MYO1E: variants seen among roughly 807,000 people sequenced by gnomAD.
MYO1E encodes the protein unconventional myosin-Ie.
MYO1E carries 68 observed loss-of-function variants against 151.1 expected under a neutral mutation model. The ratio of observed to expected loss-of-function variants is 0.45; its 90% confidence interval spans 0.37 to 0.55. The LOEUF is 0.55. MYO1E is among the 20% of genes least tolerant of loss of function. MYO1E has a pLI of 0.00. For synonymous variants in MYO1E, 601 were observed against 501.7 expected, an observed-to-expected ratio of 1.20 and a Z score of -2.64; for missense variants, 1,363 against 1,389.3, an observed-to-expected ratio of 0.98 and a Z score of 0.30.
In MYO1E at chr15:59,159,908, G is replaced by A. The variant is rs185989464; in HGVS notation, c.2785+1165C>T. On this transcript the variant is annotated intron_variant, in intron 24 of 27. Coordinates refer to ENST00000288235, the MANE Select transcript of MYO1E (RefSeq NM_004998.4). This position sits in a 1 kb window ranked among gnomAD's most constrained non-coding sequence, Gnocchi z 4.4. ...TGCCCAGGCTGGTGTGCAATGGCGC[G>A]ATCTCAGCTCACTGCAACCTCCACC... Among the ~76,000 whole-genome samples, 16 of 152,212 alleles carry A rather than the reference G, an allele frequency of 1.1e-4. No individual in the cohort carries two copies. The highest frequency in any genetic ancestry group is 5.9e-4 in the Admixed American group (9 of 15,288).
At position 59,225,531 on chromosome 15, in the gene MYO1E, A is replaced by G. The variant is rs552434957; in HGVS notation, c.643-708T>C. On this transcript the variant is annotated intron_variant, in intron 7 of 27. Coordinates refer to ENST00000288235, the MANE Select transcript of MYO1E (RefSeq NM_004998.4). ...CAACTACTTCCCTGCTGGCTCTTCA[A>G]TGCCTCCCGATCCTACATATCTAGA... is the stretch of plus-strand genomic sequence containing the variant. Among the ~76,000 whole-genome samples, 16 of 152,028 alleles carry G rather than the reference A, an allele frequency of 1.1e-4. No homozygotes were observed. In the East Asian group the frequency reaches 1.9e-3, roughly 18 times the overall value.
intron 4 of MYO1E, 136 bp downstream of exon 4, chr15:59,256,148 C>T (rs1019406526): frequency 1.5e-6 from 1 of 676,122 alleles, no homozygotes. Context: ...AAGCAGCTAA[C>T]CTGCTTGCTA....
At chr15:59,141,681 C>T (rs1436891318) in intron 26 of MYO1E, among the ~76,000 whole-genome samples, 1 of 151,764 alleles carries the variant, frequency 6.6e-6, no homozygotes, top group East Asian at 1.9e-4. Context: ...GCCTATAGTC[C>T]CAGCTACTTG....
At position 59,333,906 on chromosome 15, in the gene MYO1E, A is replaced by T. The variant is rs183359448; in HGVS notation, c.3+38592T>A. On this transcript the variant is annotated intron_variant, in intron 1 of 27. Transcript: ENST00000288235. The stretch of plus-strand genomic sequence containing the variant: ...TCTGAAACCCCCTGGAAATATGCCC[A>T]GGTAATAGGGAAGCACATGAAAGGT... Among the ~76,000 whole-genome samples the T allele has an allele frequency of 2.6e-5, 4 of 152,330 alleles. No homozygotes were observed. In the East Asian group the frequency reaches 7.7e-4, roughly 29 times the overall value.
chr15:59,317,218 C>A (rs2080594795), intron 1 of MYO1E, among the ~76,000 whole-genome samples: 1 of 152,224 alleles, frequency 6.6e-6, no homozygotes, highest in Non-Finnish European at 1.5e-5. Context: ...ACACACATTA[C>A]CTGCCCTCAT....
chr15:59,227,432 G>A (rs2079998722), intron 7 of MYO1E, 27 bp downstream of exon 7: 1 of 1,613,472 alleles, frequency 6.2e-7, no homozygotes, highest in Admixed American at 1.7e-5. Flanking sequence ...GACAGGAAGT[G>A]GGTAGGAAAA....
chr15:59,239,122 C>A (rs559694798), intron 4 of MYO1E, among the ~76,000 whole-genome samples: 85 of 151,604 alleles, frequency 5.6e-4, no homozygotes, highest in Non-Finnish European at 1.0e-3. Context: ...AGGAGAATCT[C>A]TTGAACCCGG....
chr15:59,329,424 C>T (rs2080685606), intron 1 of MYO1E, among the ~76,000 whole-genome samples: 1 of 152,186 alleles, frequency 6.6e-6, no homozygotes, highest in Admixed American at 6.5e-5. Flanking sequence ...TCATTAGGTA[C>T]CCAATAGCAA....
intron 4 of MYO1E, among the ~76,000 whole-genome samples, chr15:59,243,133 A>G (rs1334138056): frequency 6.8e-6 from 1 of 147,996 alleles, no homozygotes; most frequent in Non-Finnish European, 1.5e-5. Flanking sequence ...AGAGAGATAT[A>G]GTATTGAACA....
intron 1 of MYO1E, among the ~76,000 whole-genome samples, chr15:59,366,544 A>G (rs1299001153): frequency 3.9e-5 from 6 of 152,164 alleles, no homozygotes; most frequent in African/African-American, 1.4e-4. Flanking sequence ...ACCATTCAAA[A>G]GTGCTTTGAA....
intron 10 of MYO1E, among the ~76,000 whole-genome samples, chr15:59,216,927 C>G (rs867324671): frequency 6.6e-6 from 1 of 151,412 alleles, no homozygotes; most frequent in South Asian, 2.1e-4. Context: ...GCTTCTTGCT[C>G]ATTCTCTCTT....
In MYO1E at chr15:59,134,015, G is replaced by A. The variant is rs540827487; in HGVS notation, c.*3365C>T. ...CTCATTTTTGTGAACACTTCCACCT[G>A]GCAGGAGCCCGCTGTCACTCTGGTG... On this transcript the variant is annotated 3_prime_UTR_variant, in exon 28 of 28. Transcript: ENST00000288235. 1 of 152,392 alleles carries A rather than the reference G, an allele frequency of 6.6e-6. No individual in the cohort carries two copies. The highest frequency in any genetic ancestry group is 2.1e-4 in the South Asian group (1 of 4,828). 9.4% of individuals were successfully genotyped at this position (152,392 alleles called of 1,614,324 possible).
At chr15:59,328,757 T>C (rs909840006) in intron 1 of MYO1E, among the ~76,000 whole-genome samples, 5 of 152,064 alleles carry the variant, frequency 3.3e-5, no homozygotes, top group African/African-American at 1.2e-4. Context: ...ATGCAAGGCC[T>C]ATAGAGTTAA....
chr15:59,366,296 T>TTC (rs139428236), intron 1 of MYO1E, among the ~76,000 whole-genome samples: 1 of 22,854 alleles, frequency 4.4e-5, no homozygotes, highest in African/African-American at 8.8e-5. Flanking sequence ...TTTCTTTTTT[T>TTC]TCTCTCTCTC....
intron 4 of MYO1E, among the ~76,000 whole-genome samples, chr15:59,251,083 T>G (rs1280634901): frequency 2.0e-5 from 3 of 152,232 alleles, no homozygotes; most frequent in African/African-American, 7.2e-5. Flanking sequence ...AAACTCATCC[T>G]GGACCCTCAT....
chr15:59,328,614 C>T (rs553784531), intron 1 of MYO1E, among the ~76,000 whole-genome samples: 1 of 152,248 alleles, frequency 6.6e-6, no homozygotes, highest in South Asian at 2.1e-4. Context: ...TACACAACTC[C>T]AGCTGTGCAG....
chr15:59,251,652 A>G (rs985911765), intron 4 of MYO1E, among the ~76,000 whole-genome samples: 2 of 152,254 alleles, frequency 1.3e-5, no homozygotes, highest in African/African-American at 4.8e-5. Context: ...CATGAAGTCT[A>G]TATTTACCTC....
intron 7 of MYO1E, 106 bp downstream of exon 7, chr15:59,227,353 C>T (rs1179012779): frequency 4.4e-6 from 6 of 1,362,692 alleles, no homozygotes; most frequent in East Asian, 2.4e-5. Flanking sequence ...GTATCATCAT[C>T]AGTCCTCCCT....
chr15:59,133,959 A>G lies in MYO1E; in HGVS notation c.*3421T>C, dbSNP rs1596335888. On this transcript the variant is annotated 3_prime_UTR_variant, in exon 28 of 28. Transcript: ENST00000288235. ...TCTATGGAAGCCCATGGAGTTTGTA[A>G]TTCATAAAGGCACATCCATATTTTC... 1 of 152,316 alleles carries G rather than the reference A, an allele frequency of 6.6e-6. No homozygotes were observed. The highest frequency in any genetic ancestry group is 3.4e-3 in the Middle Eastern group (1 of 294). 9.4% of individuals were successfully genotyped at this position (152,316 alleles called of 1,614,324 possible).
Sources: gnomAD v4.1 joint callset for allele counts (sites outside exome capture counted in the v4.1 genomes callset) on GRCh38, gnomAD v4.1.1 for gene constraint, Gnocchi (gnomAD v3.1) non-coding constraint, MANE v1.5 for transcripts, NCBI Gene and HGNC (gene_info 2026-07-23, HGNC 2026-07-21) for gene names.